The following MYT1 variants were observed in gnomAD, a reference collection of about 807,000 sequenced individuals.
The protein encoded by MYT1 is myelin transcription factor 1.
In MYT1, 23 loss-of-function variants were observed where a neutral mutation model predicts 123.0. The ratio of observed to expected loss-of-function variants is 0.19; its 90% confidence interval spans 0.13 to 0.26. The LOEUF is 0.26. Ranked by LOEUF, MYT1 falls within the 10% of genes least tolerant of loss-of-function variation. The pLI is 1.00. For synonymous variants in MYT1, 518 were observed against 575.3 expected, an observed-to-expected ratio of 0.90 and a Z score of 1.43; for missense variants, 1,125 against 1,472.5, an observed-to-expected ratio of 0.76 and a Z score of 3.86.
chr20:64,227,986 G>A lies in MYT1; in HGVS notation c.2675+15G>A, dbSNP rs2145729364. ...GAGCTGATGAAGTACGTTGGGCCAT[G>A]CTGGCTCTTTCATTGCATTGCGGAA... On this transcript the variant is annotated intron_variant, in intron 18 of 22. Coordinates refer to ENST00000328439, the MANE Select transcript of MYT1 (RefSeq NM_004535.3). 1.2e-6 allele frequency: 2 copies of A among 1,612,440 alleles called. No individual in the cohort carries two copies. The highest frequency in any genetic ancestry group is 1.3e-5 in the African/African-American group (1 of 74,998).
intron 11 of MYT1, among the ~76,000 whole-genome samples, chr20:64,217,526 C>T (rs1983875211): frequency 6.6e-6 from 1 of 152,246 alleles, no homozygotes; most frequent in African/African-American, 2.4e-5. Context: ...TTATGTGTCT[C>T]CTAGTTATTT....
chr20:64,222,940 C>A (rs1298899509), intron 14 of MYT1, among the ~76,000 whole-genome samples, 171 bp from the exon 15 acceptor site: 1 of 152,234 alleles, frequency 6.6e-6, no homozygotes, highest in Non-Finnish European at 1.5e-5. Flanking sequence ...GTGGGAGAAA[C>A]TTCCAGCCTG....
At position 64,190,707 on chromosome 20, in the gene MYT1, A is replaced by G. The variant is rs1189054547; in HGVS notation, c.-1+547A>G. Among the ~76,000 whole-genome samples, 1 of 146,212 alleles carries G rather than the reference A, an allele frequency of 6.8e-6. No individual in the cohort carries two copies. The highest frequency in any genetic ancestry group is 2.0e-4 in the East Asian group (1 of 4,932). ...AAAGGGACTAGGAATGGTGGCTTTT[A>G]TCTCTAATCCCAGCACTTTGGGAGG... is the stretch of plus-strand genomic sequence containing the variant. On this transcript the variant is annotated intron_variant, in intron 2 of 22. Coordinates refer to ENST00000328439, the MANE Select transcript of MYT1 (RefSeq NM_004535.3). This position sits in a 1 kb window ranked among gnomAD's most constrained non-coding sequence, Gnocchi z 4.1.
In MYT1 at chr20:64,168,265, A is replaced by G. The variant is rs1011585042; in HGVS notation, c.-99+3526A>G. The stretch of plus-strand genomic sequence containing the variant: ...GATTAATGGATACTTGCAAGTGGAA[A>G]GTGTAGTTTGAAAATGTCTTCCTGT... On this transcript the variant is annotated intron_variant, in intron 1 of 22. Transcript: ENST00000328439. This position sits in a 1 kb window ranked among gnomAD's most constrained non-coding sequence, Gnocchi z 6.1. Among the ~76,000 whole-genome samples the G allele has an allele frequency of 3.3e-5, 5 of 152,222 alleles. No individual in the cohort carries two copies. The highest frequency in any genetic ancestry group is 1.2e-4 in the African/African-American group (5 of 41,446).
chr20:64,229,497 C>T (rs1335645475), intron 18 of MYT1, among the ~76,000 whole-genome samples: 1 of 152,198 alleles, frequency 6.6e-6, no homozygotes, highest in African/African-American at 2.4e-5. Flanking sequence ...TTCAGAAACA[C>T]TTCAGCATTT....
chr20:64,207,824 G>C lies in MYT1; in HGVS notation c.628G>C (p.Gly210Arg), dbSNP rs1279083553. 1 of 1,613,756 alleles carries C rather than the reference G, an allele frequency of 6.2e-7. No individual in the cohort carries two copies. Among genetic ancestry groups the C allele is most frequent in the South Asian group, 1.1e-5 (1 of 91,064 alleles). ...TGCAGAGGGAGCTGCCAGCGAGGAGGGTGAAAAGGGCCTCTTCATCCAGCC... is the reference window on the plus strand; with the variant it reads ...TGCAGAGGGAGCTGCCAGCGAGGAGCGTGAAAAGGGCCTCTTCATCCAGCC... ...EAAEGAASEE[G>R]EKGLFIQPED... The change falls in exon 7 of 23, where the codon GGT becomes CGT. Residue 210 changes from glycine (G) to arginine (R), a missense_variant. Transcript: ENST00000328439.
At chr20:64,178,006 T>C (rs1982520229) in intron 1 of MYT1, among the ~76,000 whole-genome samples, 1 of 152,088 alleles carries the variant, frequency 6.6e-6, no homozygotes, top group Non-Finnish European at 1.5e-5. Context: ...CATCATGGAC[T>C]TCAGGGTCTT....
In MYT1 at chr20:64,232,082, C is replaced by A; in HGVS notation, c.2676-82C>A. The A allele has an allele frequency of 6.9e-7, 1 of 1,448,278 alleles. No homozygotes were observed. The highest frequency in any genetic ancestry group is 9.6e-7 in the Non-Finnish European group (1 of 1,045,696). The allele number at this position is 1,448,278 out of a possible 1,614,324, so 89.7% of individuals were successfully genotyped here. Reference sequence around the variant, plus strand: ...TTTAACGGCTCTGAGTTGGGCTCCCCTTGTGTCTGGCTTGAGAGAGTCTCC... The same window carrying A: ...TTTAACGGCTCTGAGTTGGGCTCCCATTGTGTCTGGCTTGAGAGAGTCTCC... On this transcript the variant is annotated intron_variant, in intron 18 of 22. Transcript: ENST00000328439. The surrounding 1 kb of genome is among the most constrained non-coding windows in gnomAD (Gnocchi z 6.9).
At chr20:64,214,350 C>T (rs754233287) in intron 10 of MYT1, among the ~76,000 whole-genome samples, 32 of 151,378 alleles carry the variant, frequency 2.1e-4, no homozygotes, top group African/African-American at 4.1e-4. Flanking sequence ...TGTTTGTGTT[C>T]GCATATGTGC....
rs201514153 is a variant in MYT1 at position 64,213,664 on chromosome 20, A to G, written c.1631+17A>G. 1.9e-3 allele frequency: 2,993 copies of G among 1,605,878 alleles called. 4 individuals carry two copies. Among genetic ancestry groups the G allele is most frequent in the Non-Finnish European group, 2.4e-3 (2,858 of 1,173,052 alleles). On this transcript the variant is annotated intron_variant, in intron 10 of 22. Coordinates refer to ENST00000328439, the MANE Select transcript of MYT1 (RefSeq NM_004535.3). This position sits in a 1 kb window ranked among gnomAD's most constrained non-coding sequence, Gnocchi z 5.6. ...GATCCTCAGGTGAGTGAGATGAGCC[A>G]CAGAACTGAAGAGGCTGCCTCCCAA...
At chr20:64,210,653 G>T (rs762878181) in intron 7 of MYT1, among the ~76,000 whole-genome samples, 10 of 152,218 alleles carry the variant, frequency 6.6e-5, no homozygotes, top group Non-Finnish European at 1.2e-4. Flanking sequence ...CTGCTCTGAG[G>T]GTCCTCCGTG....
chr20:64,227,389 C>G lies in MYT1; in HGVS notation c.2529-26C>G, dbSNP rs531671207. The G allele has an allele frequency of 1.2e-4, 187 of 1,610,586 alleles. 1 individual carries two copies. The South Asian group carries it at 1.6e-3, about 13-fold the overall frequency. ...GGGGCTAAACGCCTTCACGGGCTCC[C>G]GTTCCAGTTCTGCTTCCCTCTGCAG... On this transcript the variant is annotated intron_variant, in intron 16 of 22. Coordinates refer to ENST00000328439, the MANE Select transcript of MYT1 (RefSeq NM_004535.3).
chr20:64,238,480 C>T (rs780949595), intron 21 of MYT1, among the ~76,000 whole-genome samples: 5 of 152,084 alleles, frequency 3.3e-5, no homozygotes, highest in Admixed American at 2.0e-4. Flanking sequence ...AACAGGCTCA[C>T]GTTGACCGCT....
At chr20:64,220,896 G>T (rs1233088547) in intron 13 of MYT1, among the ~76,000 whole-genome samples, 1 of 129,920 alleles carries the variant, frequency 7.7e-6, no homozygotes, top group East Asian at 2.0e-4. Flanking sequence ...TATGAAGGGT[G>T]GGGGCTGGAT....
rs971503564 is a variant in MYT1 at position 64,167,513 on chromosome 20, G to C, written c.-99+2774G>C. Among the ~76,000 whole-genome samples, 1 of 152,156 alleles carries C rather than the reference G, an allele frequency of 6.6e-6. No homozygotes were observed. Among genetic ancestry groups the C allele is most frequent in the African/African-American group, 2.4e-5 (1 of 41,418 alleles). On this transcript the variant is annotated intron_variant, in intron 1 of 22. Coordinates refer to ENST00000328439, the MANE Select transcript of MYT1 (RefSeq NM_004535.3). The surrounding 1 kb of genome is among the most constrained non-coding windows in gnomAD (Gnocchi z 6.3). ...GAGGTTAGCTGTGGGGTGGGTGGGG[G>C]CTGCTGGCGGTCACCTGATCTGCGA... is the stretch of plus-strand genomic sequence containing the variant.
In MYT1 at chr20:64,231,645, G is replaced by T. The variant is rs1984323739; in HGVS notation, c.2676-519G>T. The stretch of plus-strand genomic sequence containing the variant: ...TTGCCCCCTGATTGCACTGGCCTCA[G>T]TCTGGGAGGCTGTGGGGTGACAGGC... On this transcript the variant is annotated intron_variant, in intron 18 of 22. Transcript: ENST00000328439. This position sits in a 1 kb window ranked among gnomAD's most constrained non-coding sequence, Gnocchi z 6.4. Among the ~76,000 whole-genome samples, 1 of 152,214 alleles carries T rather than the reference G, an allele frequency of 6.6e-6. No homozygotes were observed. Among genetic ancestry groups the T allele is most frequent in the South Asian group, 2.1e-4 (1 of 4,824 alleles).
Position 64,196,478 on chromosome 20 carries a change from C to T in MYT1, c.1-2384C>T, listed in dbSNP as rs562075761. ...AGTGCTGGTTTTGTCCAGATGCTTT[C>T]GCGTCAGCCGGCACTGCTGATTTCA... On this transcript the variant is annotated intron_variant, in intron 2 of 22. Coordinates refer to ENST00000328439, the MANE Select transcript of MYT1 (RefSeq NM_004535.3). This position sits in a 1 kb window ranked among gnomAD's most constrained non-coding sequence, Gnocchi z 4.3. Among the ~76,000 whole-genome samples, 53 of 152,356 alleles carry T rather than the reference C, an allele frequency of 3.5e-4. No individual in the cohort carries two copies. Among genetic ancestry groups the T allele is most frequent in the African/African-American group, 1.1e-3 (47 of 41,578 alleles).
Position 64,213,400 on chromosome 20 carries a change from TG to T in MYT1, c.1518-131del. On this transcript the variant is annotated intron_variant, in intron 9 of 22. Transcript: ENST00000328439. This position sits in a 1 kb window ranked among gnomAD's most constrained non-coding sequence, Gnocchi z 5.6. ...AGAATGACAGGGTTATTCCCGGCTC[TG>T]GGCTTCTCTGGAGTTCACCTGGAGT... 1 of 644,228 alleles carries T rather than the reference TG, an allele frequency of 1.6e-6. No individual in the cohort carries two copies. Among genetic ancestry groups the T allele is most frequent in the Admixed American group, 2.5e-5 (1 of 39,560 alleles). The allele number at this position is 644,228 out of a possible 1,614,324, so 39.9% of individuals were successfully genotyped here.
rs1393724404 is a variant in MYT1 at position 64,203,250 on chromosome 20, C to T, written c.87-1785C>T. Among the ~76,000 whole-genome samples the T allele has an allele frequency of 6.6e-6, 1 of 152,228 alleles. No homozygotes were observed. Among genetic ancestry groups the T allele is most frequent in the Non-Finnish European group, 1.5e-5 (1 of 68,042 alleles). ...GCAGTCCGGTCCCCACAGGCCTCCA[C>T]AGCAGCTGTCACCTAATTGCCTGAT... is the stretch of plus-strand genomic sequence containing the variant. On this transcript the variant is annotated intron_variant, in intron 4 of 22. Transcript: ENST00000328439. This position sits in a 1 kb window ranked among gnomAD's most constrained non-coding sequence, Gnocchi z 5.1.
Sources: gnomAD v4.1 joint callset for allele counts (sites outside exome capture counted in the v4.1 genomes callset) on GRCh38, gnomAD v4.1.1 for gene constraint, Gnocchi (gnomAD v3.1) non-coding constraint, MANE v1.5 for transcripts, NCBI Gene and HGNC (gene_info 2026-07-23, HGNC 2026-07-21) for gene names.